The following DDHD1 variants were observed in gnomAD, a reference collection of about 807,000 sequenced individuals.
DDHD1 encodes the protein phospholipase DDHD1.
Under a neutral mutation model 96.4 loss-of-function variants are expected in DDHD1, and 49 were observed. The ratio of observed to expected loss-of-function variants is 0.51; its 90% CI spans 0.40 to 0.64. The LOEUF (loss-of-function observed/expected upper bound fraction) is 0.64. Among genes scored for constraint, DDHD1 ranks in the 30% least tolerant of loss-of-function variants. The pLI, the probability that DDHD1 is intolerant of heterozygous loss-of-function variation, is 0.00. For missense variants in DDHD1, 1,106 were observed against 1,161.2 expected, an observed-to-expected ratio of 0.95 and a Z score of 0.69; for synonymous variants, 442 against 446.5, an observed-to-expected ratio of 0.99 and a Z score of 0.13.
chr14:53,061,273 A>C, intron 7 of DDHD1, 72 bp from the exon 8 acceptor site: 1 of 1,372,364 alleles, frequency 7.3e-7, no homozygotes, highest in Non-Finnish European at 9.9e-7. Context: ...TTGCTAGCTT[A>C]CTAAAGTATA....
chr14:53,051,950 G>C (rs751442738), intron 11 of DDHD1, 23 bp from the exon 12 acceptor site: 2 of 1,542,382 alleles, frequency 1.3e-6, no homozygotes, highest in Non-Finnish European at 1.8e-6. Context: ...AACACAAGAT[G>C]CTGTAAAGGG....
intron 2 of DDHD1, among the ~76,000 whole-genome samples, chr14:53,096,820 G>C (rs907722639): frequency 6.6e-6 from 1 of 152,002 alleles, no homozygotes; most frequent in South Asian, 2.1e-4. Flanking sequence ...AATCAAACTG[G>C]AAGCTCTGCT....
intron 1 of DDHD1, among the ~76,000 whole-genome samples, chr14:53,130,252 C>G (rs1889767919): frequency 6.6e-6 from 1 of 151,552 alleles, no homozygotes; most frequent in Admixed American, 6.5e-5. Flanking sequence ...ACAATTTCCT[C>G]TCAAAGAAGT....
chr14:53,071,450 A>G (rs1169573186), intron 6 of DDHD1, among the ~76,000 whole-genome samples: 1 of 152,106 alleles, frequency 6.6e-6, no homozygotes, highest in Non-Finnish European at 1.5e-5. Context: ...GTAATATTTT[A>G]AACTTTTTTG....
chr14:53,124,264 T>C (rs994927790), intron 1 of DDHD1, among the ~76,000 whole-genome samples: 1 of 151,130 alleles, frequency 6.6e-6, no homozygotes, highest in African/African-American at 2.4e-5. Context: ...TATATATATA[T>C]GGTTAAAAAT....
intron 1 of DDHD1, among the ~76,000 whole-genome samples, chr14:53,110,959 G>C (rs567935548): frequency 6.6e-6 from 1 of 152,166 alleles, no homozygotes; most frequent in Non-Finnish European, 1.5e-5. Context: ...TCCAGCCTAG[G>C]TGACACAGCG....
chr14:53,067,748 T>C (rs1448148524), intron 6 of DDHD1, among the ~76,000 whole-genome samples: 4 of 152,208 alleles, frequency 2.6e-5, no homozygotes, highest in Admixed American at 1.3e-4. Flanking sequence ...TCAGCCACCG[T>C]GCCCTGCCCA....
At chr14:53,087,829 A>G (rs1462318127) in intron 4 of DDHD1, among the ~76,000 whole-genome samples, 3 of 152,174 alleles carry the variant, frequency 2.0e-5, no homozygotes, top group Non-Finnish European at 2.9e-5. Flanking sequence ...AACTGAAGGA[A>G]ATAGCGACAC....
intron 1 of DDHD1, among the ~76,000 whole-genome samples, chr14:53,107,307 G>A (rs572536228): frequency 6.6e-5 from 10 of 152,206 alleles, no homozygotes; most frequent in African/African-American, 1.2e-4. Flanking sequence ...TAAAATAAAG[G>A]TAACTTGAAC....
intron 1 of DDHD1, among the ~76,000 whole-genome samples, chr14:53,145,395 T>C (rs989723813): frequency 1.3e-5 from 2 of 151,228 alleles, no homozygotes; most frequent in Admixed American, 1.3e-4. Flanking sequence ...CCTAGCTTCT[T>C]TGAAGGCTGA....
intron 1 of DDHD1, among the ~76,000 whole-genome samples, chr14:53,114,537 A>C (rs941738541): frequency 6.6e-6 from 1 of 152,242 alleles, no homozygotes. Context: ...TTCCAGAGGA[A>C]GGAGCAGGCA....
chr14:53,073,818 T>C lies in DDHD1; in HGVS notation c.1319A>G (p.Glu440Gly). The change falls in exon 5 of 13, where the codon GAA becomes GGA. Residue 440 changes from glutamate (E) to glycine (G), a missense_variant. Physicochemically the swap from Glu to Gly is moderately conservative, Grantham distance 98. Transcript: ENST00000673822. The part of the protein sequence containing the change: ...MMREAARKIE[E>G]RHFSNHATHV... Reference sequence around the variant, plus strand: ...TGTTGCATGGTTGGAAAAATGCCTTTCTTCTATTTTTCTTGCAGCTTCTCT... The same window carrying C: ...TGTTGCATGGTTGGAAAAATGCCTTCCTTCTATTTTTCTTGCAGCTTCTCT... 2 of 1,611,250 alleles carry C rather than the reference T, an allele frequency of 1.2e-6. No individual in the cohort carries two copies. Among genetic ancestry groups the C allele is most frequent in the African/African-American group, 1.3e-5 (1 of 74,898 alleles).
At chr14:53,132,038 C>T (rs111966686) in intron 1 of DDHD1, among the ~76,000 whole-genome samples, 1 of 152,130 alleles carries the variant, frequency 6.6e-6, no homozygotes, top group South Asian at 2.1e-4. Context: ...TTTTGCCATC[C>T]TGACAAAACC....
chr14:53,129,236 C>T (rs964296253), intron 1 of DDHD1, among the ~76,000 whole-genome samples: 12 of 152,196 alleles, frequency 7.9e-5, no homozygotes, highest in African/African-American at 2.4e-4. Context: ...TGTCCTTGCC[C>T]TCACTCCGTG....
intron 1 of DDHD1, among the ~76,000 whole-genome samples, chr14:53,130,153 C>T (rs1889759395): frequency 6.6e-6 from 1 of 152,120 alleles, no homozygotes; most frequent in Admixed American, 6.5e-5. Context: ...CTCTGCTCCC[C>T]CACCCTATAA....
intron 1 of DDHD1, among the ~76,000 whole-genome samples, chr14:53,123,607 G>T (rs1363803835): frequency 2.0e-5 from 3 of 152,154 alleles, no homozygotes; most frequent in Non-Finnish European, 4.4e-5. Context: ...GCATCAGTAT[G>T]GTTAAATCTT....
rs113765446 is a variant in DDHD1, at chr14:53,086,621, G to A, written c.1289+5164C>T. On this transcript the variant is annotated intron_variant, in intron 4 of 12. Coordinates refer to ENST00000673822, the MANE Select transcript of DDHD1 (RefSeq NM_001160148.2). ...AGTGCTGAGAGATTCTGTCACCCCC[G>A]GGCCTGCCTTACAAGAGCTCCTGAA... is the stretch of plus-strand genomic sequence containing the variant. 2.6e-3 allele frequency among the ~76,000 whole-genome samples: 393 copies of A among 152,110 alleles called. 2 individuals carry two copies. Among genetic ancestry groups the A allele is most frequent in the African/African-American group, 9.1e-3 (377 of 41,502 alleles).
intron 1 of DDHD1, among the ~76,000 whole-genome samples, chr14:53,151,488 T>C (rs1199843082): frequency 1.3e-5 from 2 of 152,240 alleles, no homozygotes; most frequent in African/African-American, 4.8e-5. Context: ...TTAACACTCA[T>C]ATCACACGTA....
intron 1 of DDHD1, among the ~76,000 whole-genome samples, chr14:53,143,381 T>C (rs894501288): frequency 1.3e-5 from 2 of 152,198 alleles, no homozygotes; most frequent in African/African-American, 4.8e-5. Flanking sequence ...AGTAAAGAAA[T>C]AGCTCTTGAA....
Sources: allele counts gnomAD v4.1 joint callset (sites outside exome capture counted in the v4.1 genomes callset), GRCh38; gene constraint gnomAD v4.1.1; transcripts MANE v1.5; gene names NCBI Gene and HGNC (gene_info 2026-07-23, HGNC 2026-07-21).